Variants in SH3GL1 observed in about 807,000 individuals in gnomAD.
SH3GL1 encodes the protein SH3 domain containing GRB2 like 1, endophilin A2, also known as endophilin-A2.
Under a neutral mutation model 48.8 loss-of-function variants are expected in SH3GL1, and 21 were observed. That is an observed-to-expected ratio of 0.43 (90% CI 0.30 to 0.62). The LOEUF is 0.62. Among genes scored for constraint, SH3GL1 ranks in the 20% least tolerant of loss-of-function variants. The pLI is 0.11. For synonymous variants in SH3GL1, 282 were observed against 217.5 expected, an observed-to-expected ratio of 1.30 and a Z score of -2.61; for missense variants, 454 against 503.0, an observed-to-expected ratio of 0.90 and a Z score of 0.93.
chr19:4,364,552 T>C (rs748054930), intron 4 of SH3GL1: 13 of 340,510 alleles, frequency 3.8e-5, no homozygotes, highest in Non-Finnish European at 6.7e-5. Context: ...TGTCTCAGCC[T>C]CCTGAGTAAG....
rs536848953 is a variant in SH3GL1 at position 4,394,941 on chromosome 19, C to T, written c.45+5383G>A. ...CCATGAGCATTCTCTCCCAAAGTTG[C>T]GATAACAACTGTCTCCGACATTGCC... On this transcript the variant is annotated intron_variant, in intron 1 of 9. Coordinates refer to ENST00000269886, the MANE Select transcript of SH3GL1 (RefSeq NM_003025.4). 1.1e-4 allele frequency among the ~76,000 whole-genome samples: 16 copies of T among 152,356 alleles called. No homozygotes were observed. The South Asian group carries it at 2.5e-3, about 24-fold the overall frequency.
rs375262422 is a variant in SH3GL1 at position 4,363,327 on chromosome 19, C to T, written c.728+43G>A. 6.9e-6 allele frequency: 10 copies of T among 1,453,254 alleles called. No individual in the cohort carries two copies. The African/African-American group carries it at 1.3e-4, about 18-fold the overall frequency. 90.0% of individuals were successfully genotyped at this position (1,453,254 alleles called of 1,614,324 possible). On this transcript the variant is annotated intron_variant, in intron 7 of 9. Coordinates refer to ENST00000269886, the MANE Select transcript of SH3GL1 (RefSeq NM_003025.4). Reference sequence around the variant, plus strand: ...TGCCCACTTGCGCTGGCAGAGGGCGCATGGCAGCCCAGACTCTGGAGAGAC... The same window carrying T: ...TGCCCACTTGCGCTGGCAGAGGGCGTATGGCAGCCCAGACTCTGGAGAGAC...
chr19:4,367,659 A>G lies in SH3GL1; in HGVS notation c.46-665T>C, dbSNP rs924915646. 2.6e-5 allele frequency among the ~76,000 whole-genome samples: 4 copies of G among 152,182 alleles called. No individual in the cohort carries two copies. Among genetic ancestry groups the G allele is most frequent in the African/African-American group, 7.2e-5 (3 of 41,448 alleles). Reference sequence around the variant, plus strand: ...TCTCAGCTACGGTGAAAGCGATGACAATGACAGGCACTTACAGCGTCTTTC... The same window carrying G: ...TCTCAGCTACGGTGAAAGCGATGACGATGACAGGCACTTACAGCGTCTTTC... On this transcript the variant is annotated intron_variant, in intron 1 of 9. Transcript: ENST00000269886. This position sits in a 1 kb window ranked among gnomAD's most constrained non-coding sequence, Gnocchi z 4.2.
At chr19:4,395,032 GGAGCCCC>G (rs1347706720) in intron 1 of SH3GL1, among the ~76,000 whole-genome samples, 1 of 152,260 alleles carries the variant, frequency 6.6e-6, no homozygotes, top group African/African-American at 2.4e-5. Context: ...CCCTCCTTCA[GGAGCCCC>G]GATGCCTGTG....
At position 4,392,562 on chromosome 19, in the gene SH3GL1, AC is replaced by A. The variant is rs1568422021; in HGVS notation, c.45+7761del. On this transcript the variant is annotated intron_variant, in intron 1 of 9. Transcript: ENST00000269886. ...CACACACACACACACACACACACAC[AC>A]ACACACAAAAGATCATTCCATGTTT... 7.4e-3 allele frequency among the ~76,000 whole-genome samples: 924 copies of A among 125,354 alleles called. 2 individuals are homozygous for A. Among genetic ancestry groups the A allele is most frequent in the African/African-American group, 0.027 (888 of 32,950 alleles). 82.2% of individuals were successfully genotyped at this position (125,354 alleles called of 152,430 possible). A position where few individuals can be genotyped will look rare whatever the true frequency, so the allele number is the denominator to read the frequency against.
At chr19:4,383,147 A>C (rs1044696571) in intron 1 of SH3GL1, among the ~76,000 whole-genome samples, 16 of 151,060 alleles carry the variant, frequency 1.1e-4, no homozygotes, top group Non-Finnish European at 2.1e-4. Flanking sequence ...CGAACTCCTG[A>C]CCTCAAGTGA....
chr19:4,362,718 T>G lies in SH3GL1; in HGVS notation c.747A>C (p.Ser249=). ...TGGGCTTATACTCCCGCTTAGGGCG[T>G]GAGGAAGCTTCCCGCATCCTGTGAA... The part of the protein sequence containing the change: ...KLKRRMREAS[S]RPKREYKPKP... Residue 249 remains serine (S), a synonymous_variant, in exon 8 of 10, where the codon TCA becomes TCC. Transcript: ENST00000269886. 1 of 1,613,950 alleles carries G rather than the reference T, an allele frequency of 6.2e-7. No homozygotes were observed. The highest frequency in any genetic ancestry group is 2.2e-5 in the East Asian group (1 of 44,878).
intron 1 of SH3GL1, among the ~76,000 whole-genome samples, chr19:4,382,248 G>GCTTT (rs1431480815): frequency 5.1e-5 from 7 of 137,304 alleles, no homozygotes; most frequent in Non-Finnish European, 6.3e-5. Flanking sequence ...AAGGTGCTCC[G>GCTTT]CTTTCTTTTT....
intron 1 of SH3GL1, among the ~76,000 whole-genome samples, chr19:4,382,234 G>A (rs925032617): frequency 6.6e-6 from 1 of 151,586 alleles, no homozygotes; most frequent in African/African-American, 2.4e-5. Context: ...GACCACAGCA[G>A]GGGAAGGTGC....
intron 1 of SH3GL1, among the ~76,000 whole-genome samples, chr19:4,379,441 AT>A (rs937559174): frequency 4.0e-5 from 6 of 148,338 alleles, no homozygotes; most frequent in African/African-American, 1.3e-4. Flanking sequence ...AAAAAAAAAA[AT>A]AAAGCAGCAA....
intron 1 of SH3GL1, among the ~76,000 whole-genome samples, chr19:4,391,544 AG>A (rs1339630575): frequency 1.3e-5 from 2 of 152,184 alleles, no homozygotes; most frequent in Non-Finnish European, 2.9e-5. Flanking sequence ...CACGGGTGGC[AG>A]AAATCGGAGT....
intron 1 of SH3GL1, among the ~76,000 whole-genome samples, chr19:4,397,507 C>A (rs913536640): frequency 2.0e-5 from 3 of 152,182 alleles, no homozygotes; most frequent in African/African-American, 7.2e-5. Context: ...AGGCCCTGAT[C>A]GCTGGGAGTG....
At chr19:4,370,378 C>T (rs1381453022) in intron 1 of SH3GL1, among the ~76,000 whole-genome samples, 1 of 152,238 alleles carries the variant, frequency 6.6e-6, no homozygotes, top group Admixed American at 6.5e-5. Context: ...CAAGGCTCGC[C>T]TCCTGTTCCC....
Position 4,389,268 on chromosome 19 carries a change from C to T in SH3GL1, c.45+11056G>A, listed in dbSNP as rs1362099939. Among the ~76,000 whole-genome samples, 4 of 152,180 alleles carry T rather than the reference C, an allele frequency of 2.6e-5. No individual in the cohort carries two copies. Among genetic ancestry groups the T allele is most frequent in the African/African-American group, 7.2e-5 (3 of 41,446 alleles). On this transcript the variant is annotated intron_variant, in intron 1 of 9. Transcript: ENST00000269886. This position sits in a 1 kb window ranked among gnomAD's most constrained non-coding sequence, Gnocchi z 4.5. ...GGAGAGCACCTCACACGAACACCAG[C>T]GTGTGGCATCTGGGTGGGGGACCCC...
Position 4,360,765 on chromosome 19 carries a change from G to A in SH3GL1, c.*835C>T, listed in dbSNP as rs941024026. 7 of 233,504 alleles carry A rather than the reference G, an allele frequency of 3.0e-5. No homozygotes were observed. The highest frequency in any genetic ancestry group is 6.6e-5 in the African/African-American group (3 of 45,328). 14.5% of individuals were successfully genotyped at this position (233,504 alleles called of 1,614,324 possible). The stretch of plus-strand genomic sequence containing the variant: ...ACTGGAACCTTTGTGCTTGGCCCTC[G>A]GCAGCGCGGCTGTGGTCCCGTGTGA... On this transcript the variant is annotated 3_prime_UTR_variant, in exon 10 of 10. Coordinates refer to ENST00000269886, the MANE Select transcript of SH3GL1 (RefSeq NM_003025.4).
intron 1 of SH3GL1, among the ~76,000 whole-genome samples, chr19:4,391,193 G>T (rs1012802918): frequency 6.6e-6 from 1 of 152,154 alleles, no homozygotes; most frequent in East Asian, 1.9e-4. Flanking sequence ...CTGCGCACGT[G>T]ACAGCGGCCA....
At chr19:4,387,137 C>T (rs1019714897) in intron 1 of SH3GL1, among the ~76,000 whole-genome samples, 2 of 152,002 alleles carry the variant, frequency 1.3e-5, no homozygotes, top group Non-Finnish European at 2.9e-5. Flanking sequence ...ACGGTTTCAC[C>T]GTGTTAGCCA....
chr19:4,369,263 C>G (rs2068140790), intron 1 of SH3GL1, among the ~76,000 whole-genome samples: 1 of 152,196 alleles, frequency 6.6e-6, no homozygotes, highest in Admixed American at 6.5e-5. Flanking sequence ...CACTCTATTT[C>G]CTGGGACAGT....
Position 4,400,449 on chromosome 19 carries a change from A to C in SH3GL1, c.-81T>G, listed in dbSNP as rs1973503745. 1.6e-6 allele frequency: 2 copies of C among 1,258,230 alleles called. No homozygotes were observed. The highest frequency in any genetic ancestry group is 3.2e-5 in the African/African-American group (2 of 63,176). 77.9% of individuals were successfully genotyped at this position (1,258,230 alleles called of 1,614,324 possible). ...GCGCCGCCGACCCTCTGCGCGCCTCAGCAGTCCCCGTCGGCGCCGCCTCCG... is the reference window on the plus strand; with the variant it reads ...GCGCCGCCGACCCTCTGCGCGCCTCCGCAGTCCCCGTCGGCGCCGCCTCCG... On this transcript the variant is annotated 5_prime_UTR_variant, in exon 1 of 10. Transcript: ENST00000269886. The surrounding 1 kb of genome is among the most constrained non-coding windows in gnomAD (Gnocchi z 4.1).
Sources: allele counts gnomAD v4.1 joint callset (sites outside exome capture counted in the v4.1 genomes callset), GRCh38; gene constraint gnomAD v4.1.1; non-coding constraint Gnocchi (gnomAD v3.1); transcripts MANE v1.5; gene names NCBI Gene and HGNC (gene_info 2026-07-23, HGNC 2026-07-21).